GALNT18: variants seen among roughly 807,000 people sequenced by gnomAD.
The protein encoded by GALNT18 is polypeptide N-acetylgalactosaminyltransferase 18.
A neutral mutation model predicts 69.5 loss-of-function variants in GALNT18; 44 were observed. The observed-to-expected ratio is 0.63, with a 90% CI of 0.50 to 0.81. GALNT18 has a LOEUF of 0.81. GALNT18 is among the 40% of genes least tolerant of loss of function. The pLI is 0.00. For synonymous variants in GALNT18, 364 were observed against 318.2 expected, an observed-to-expected ratio of 1.14 and a Z score of -1.53; for missense variants, 715 against 810.0, an observed-to-expected ratio of 0.88 and a Z score of 1.42.
chr11:11,325,467 T>C lies in GALNT18; in HGVS notation c.1512+1619A>G, dbSNP rs567052151. Among the ~76,000 whole-genome samples, 156 of 152,122 alleles carry C rather than the reference T, an allele frequency of 1.0e-3. 1 individual carries two copies. The highest frequency in any genetic ancestry group is 3.4e-3 in the Middle Eastern group (1 of 294). ...TTTCAGCAATCACCACTAAAGAACT[T>C]ATCCAAGTATCCATGTAACCAAAAA... On this transcript the variant is annotated intron_variant, in intron 9 of 10. Transcript: ENST00000227756.
intron 1 of GALNT18, among the ~76,000 whole-genome samples, chr11:11,493,868 C>T (rs141988497): frequency 4.2e-3 from 637 of 152,210 alleles, no homozygotes; most frequent in South Asian, 0.015. Context: ...TTCACCAACC[C>T]GCTCCTGTCC....
chr11:11,384,077 G>T (rs1453983890), intron 3 of GALNT18, among the ~76,000 whole-genome samples: 2 of 151,904 alleles, frequency 1.3e-5, no homozygotes, highest in Non-Finnish European at 2.9e-5. Context: ...GGCATGACTT[G>T]ATCATACCTC....
chr11:11,456,326 C>T (rs1855923502), intron 1 of GALNT18, among the ~76,000 whole-genome samples: 1 of 152,176 alleles, frequency 6.6e-6, no homozygotes, highest in South Asian at 2.1e-4. Context: ...TGCAGCCCTA[C>T]CTGCAAATTA....
chr11:11,481,859 C>T (rs564746144), intron 1 of GALNT18, among the ~76,000 whole-genome samples: 2 of 152,310 alleles, frequency 1.3e-5, no homozygotes, highest in East Asian at 3.9e-4. Flanking sequence ...ACAGTTGTAT[C>T]CCCAGAGCAT....
chr11:11,379,325 C>T, intron 3 of GALNT18, 61 bp from the exon 4 acceptor site: 1 of 1,476,166 alleles, frequency 6.8e-7, no homozygotes, highest in South Asian at 1.3e-5. Context: ...AGGGGGCAAT[C>T]ACAACAGTCA....
Position 11,469,911 on chromosome 11 carries a change from C to T in GALNT18, c.236-20975G>A, listed in dbSNP as rs918721453. Among the ~76,000 whole-genome samples the T allele has an allele frequency of 6.6e-6, 1 of 152,194 alleles. No homozygotes were observed. Among genetic ancestry groups the T allele is most frequent in the Non-Finnish European group, 1.5e-5 (1 of 68,036 alleles). ...GGACATAGTCATTCCATCAGGCCCC[C>T]AGAACAGGGTCCCTAGTCACAAGCT... On this transcript the variant is annotated intron_variant, in intron 1 of 10. Coordinates refer to ENST00000227756, the MANE Select transcript of GALNT18 (RefSeq NM_198516.3). The surrounding 1 kb of genome is among the most constrained non-coding windows in gnomAD (Gnocchi z 4.2).
chr11:11,379,998 A>G (rs902373135), intron 3 of GALNT18, among the ~76,000 whole-genome samples: 1 of 152,246 alleles, frequency 6.6e-6, no homozygotes, highest in Non-Finnish European at 1.5e-5. Flanking sequence ...CAGCTAAGGC[A>G]AGAGCCCATG....
chr11:11,530,543 CA>C (rs1162368198), intron 1 of GALNT18, among the ~76,000 whole-genome samples: 2 of 152,168 alleles, frequency 1.3e-5, no homozygotes, highest in Non-Finnish European at 2.9e-5. Flanking sequence ...CCATCGGACC[CA>C]AACAGGCGTG....
intron 9 of GALNT18, among the ~76,000 whole-genome samples, chr11:11,303,124 T>G (rs1051853026): frequency 6.6e-6 from 1 of 152,174 alleles, no homozygotes; most frequent in African/African-American, 2.4e-5. Flanking sequence ...CCTCCTCTAT[T>G]GGCCCCTGCT....
At chr11:11,272,313 C>A (rs1479426867) in intron 10 of GALNT18, among the ~76,000 whole-genome samples, 1 of 152,208 alleles carries the variant, frequency 6.6e-6, no homozygotes, top group Non-Finnish European at 1.5e-5. Context: ...TTATCCCTTT[C>A]CCATCACACT....
At chr11:11,273,951 G>A (rs1023453517) in intron 10 of GALNT18, among the ~76,000 whole-genome samples, 1 of 152,276 alleles carries the variant, frequency 6.6e-6, no homozygotes, top group African/African-American at 2.4e-5. Flanking sequence ...CATGCAGAAG[G>A]CGGGTGATTT....
intron 6 of GALNT18, chr11:11,352,695 T>C: frequency 6.2e-7 from 1 of 1,614,152 alleles, no homozygotes; most frequent in Non-Finnish European, 8.5e-7. Context: ...ATCCAGGGCC[T>C]TCAGAATCTC....
intron 10 of GALNT18, among the ~76,000 whole-genome samples, chr11:11,278,486 A>G (rs777802527): frequency 1.3e-5 from 2 of 152,214 alleles, no homozygotes; most frequent in South Asian, 2.1e-4. Flanking sequence ...CACATTCTGC[A>G]CATGTACCCC....
chr11:11,340,879 A>T lies in GALNT18; in HGVS notation c.1218T>A (p.Ala406=). The T allele has an allele frequency of 6.2e-7, 1 of 1,613,964 alleles. No homozygotes were observed. Among genetic ancestry groups the T allele is most frequent in the African/African-American group, 1.3e-5 (1 of 75,018 alleles). Residue 406 remains alanine (A), a synonymous_variant, in exon 7 of 11, where the codon GCT becomes GCA. Coordinates refer to ENST00000227756, the MANE Select transcript of GALNT18 (RefSeq NM_198516.3). The surrounding 1 kb of genome is among the most constrained non-coding windows in gnomAD (Gnocchi z 4.2). ...AHVRRNALRV[A]EVWMDEFKSH... is the part of the protein sequence containing the mutation. The stretch of plus-strand genomic sequence containing the variant: ...TTTTAAATTCATCCATCCAGACTTC[A>T]GCCACCCTGAGAGCGTTCCTGCGGA...
Position 11,470,365 on chromosome 11 carries a change from T to C in GALNT18, c.236-21429A>G, listed in dbSNP as rs781158991. ...TGTACGGTCATGCCCTACATTCATA[T>C]CTTGATCTATGGATGGGAATTTCCA... On this transcript the variant is annotated intron_variant, in intron 1 of 10. Coordinates refer to ENST00000227756, the MANE Select transcript of GALNT18 (RefSeq NM_198516.3). This position sits in a 1 kb window ranked among gnomAD's most constrained non-coding sequence, Gnocchi z 4.8. 2.0e-5 allele frequency among the ~76,000 whole-genome samples: 3 copies of C among 152,226 alleles called. No individual in the cohort carries two copies. Among genetic ancestry groups the C allele is most frequent in the Non-Finnish European group, 4.4e-5 (3 of 68,046 alleles).
chr11:11,426,393 A>G (rs1855130965), intron 3 of GALNT18, among the ~76,000 whole-genome samples: 1 of 152,220 alleles, frequency 6.6e-6, no homozygotes, highest in African/African-American at 2.4e-5. Context: ...TGCAGCACAG[A>G]TGGAGGACAA....
rs1317723291 is a variant in GALNT18, at chr11:11,596,012, A to G, written c.235+25347T>C. 9.9e-5 allele frequency among the ~76,000 whole-genome samples: 15 copies of G among 151,980 alleles called. No homozygotes were observed. Among genetic ancestry groups the G allele is most frequent in the Admixed American group, 9.8e-4 (15 of 15,254 alleles). On this transcript the variant is annotated intron_variant, in intron 1 of 10. Coordinates refer to ENST00000227756, the MANE Select transcript of GALNT18 (RefSeq NM_198516.3). This position sits in a 1 kb window ranked among gnomAD's most constrained non-coding sequence, Gnocchi z 4.2. ...TTTGTCTTCTTCTAAGAGTTCTATG[A>G]TTTTATCTCTTATATTTAGTTCTAT...
intron 1 of GALNT18, among the ~76,000 whole-genome samples, chr11:11,560,161 T>TATG (rs1565012844): frequency 0.044 from 91 of 2,068 alleles, 3 homozygotes; most frequent in Admixed American, 0.068. Flanking sequence ...TGATGGGATG[T>TATG]ATGGGATGGG....
chr11:11,619,644 C>T lies in GALNT18; in HGVS notation c.235+1715G>A, dbSNP rs929681715. ...TGTGAATGAAAATCTCAAAATCTGT[C>T]GGCAAACTAGAAATGTCAAAGTAAG... On this transcript the variant is annotated intron_variant, in intron 1 of 10. Coordinates refer to ENST00000227756, the MANE Select transcript of GALNT18 (RefSeq NM_198516.3). The surrounding 1 kb of genome is among the most constrained non-coding windows in gnomAD (Gnocchi z 4.9). 1.3e-5 allele frequency among the ~76,000 whole-genome samples: 2 copies of T among 152,152 alleles called. No homozygotes were observed. The highest frequency in any genetic ancestry group is 4.8e-5 in the African/African-American group (2 of 41,430).
Sources: allele counts gnomAD v4.1 joint callset (sites outside exome capture counted in the v4.1 genomes callset), GRCh38; gene constraint gnomAD v4.1.1; non-coding constraint Gnocchi (gnomAD v3.1); transcripts MANE v1.5; gene names NCBI Gene and HGNC (gene_info 2026-07-23, HGNC 2026-07-21).